The following AHI1 variants were observed in gnomAD, a reference collection of about 807,000 sequenced individuals.
AHI1 encodes Abelson helper integration site 1.
In AHI1, 123 loss-of-function variants were observed where a neutral mutation model predicts 149.3. That is an observed-to-expected ratio of 0.82 (90% CI 0.71 to 0.96). The LOEUF (loss-of-function observed/expected upper bound fraction) is 0.96. Among genes scored for constraint, AHI1 ranks in the 40% least tolerant of loss-of-function variants. AHI1 has a pLI of 0.00. For missense variants in AHI1, 1,439 were observed against 1,422.7 expected (o/e 1.01, Z -0.18); for synonymous variants, 475 against 459.8 (o/e 1.03, Z -0.42).
At chr6:135,462,462 T>G (rs907586059) in intron 8 of AHI1, among the ~76,000 whole-genome samples, 4 of 151,094 alleles carry the variant, frequency 2.6e-5, no homozygotes, top group African/African-American at 9.9e-5. Flanking sequence ...AAATGTTTAT[T>G]GGCTGCTGAC....
intron 24 of AHI1, among the ~76,000 whole-genome samples, chr6:135,357,611 C>T (rs750256957): frequency 1.3e-5 from 2 of 152,192 alleles, no homozygotes; most frequent in Non-Finnish European, 2.9e-5. Context: ...TCTATATCAT[C>T]TTATGAGTCT....
chr6:135,437,986 C>G (rs775311143), intron 15 of AHI1, among the ~76,000 whole-genome samples: 4 of 151,962 alleles, frequency 2.6e-5, no homozygotes, highest in Non-Finnish European at 5.9e-5. Context: ...CTGTGATATA[C>G]TGAGCACCAC....
At chr6:135,391,428 G>A (rs1433479338) in intron 23 of AHI1, among the ~76,000 whole-genome samples, 1 of 152,094 alleles carries the variant, frequency 6.6e-6, no homozygotes, top group Non-Finnish European at 1.5e-5. Flanking sequence ...ATCCCTACGT[G>A]TGCCGTTCAC....
intron 24 of AHI1, among the ~76,000 whole-genome samples, chr6:135,356,288 C>CT (rs969404405): frequency 9.2e-5 from 14 of 152,058 alleles, no homozygotes; most frequent in African/African-American, 2.9e-4. Context: ...TTTTAGACTC[C>CT]TTTTTTTCCT....
intron 6 of AHI1, among the ~76,000 whole-genome samples, 156 bp from the exon 7 acceptor site, chr6:135,466,529 ACT>A (rs1790799938): frequency 6.6e-6 from 1 of 152,164 alleles, no homozygotes. Flanking sequence ...GCATATGAGT[ACT>A]CTCATAATTT....
intron 23 of AHI1, among the ~76,000 whole-genome samples, chr6:135,386,702 C>T (rs1777645164): frequency 6.6e-6 from 1 of 152,080 alleles, no homozygotes; most frequent in African/African-American, 2.4e-5. Context: ...GTGGTCTCAG[C>T]TCACTGCAAC....
At chr6:135,312,475 C>T (rs1313135862) in intron 26 of AHI1, among the ~76,000 whole-genome samples, 2 of 152,122 alleles carry the variant, frequency 1.3e-5, no homozygotes, top group Non-Finnish European at 2.9e-5. Context: ...GATCTCACCA[C>T]TGTACTTCAG....
At chr6:135,378,557 TTTA>T (rs1430481694) in intron 23 of AHI1, among the ~76,000 whole-genome samples, 2 of 152,206 alleles carry the variant, frequency 1.3e-5, no homozygotes, top group East Asian at 3.8e-4. Flanking sequence ...CTGCCACATA[TTTA>T]TTACACTGGC....
intron 27 of AHI1, among the ~76,000 whole-genome samples, chr6:135,293,208 T>G (rs1782579588): frequency 6.6e-6 from 1 of 151,554 alleles, no homozygotes; most frequent in Non-Finnish European, 1.5e-5. Flanking sequence ...TGACAAAAAC[T>G]CTTAGGAAAG....
intron 21 of AHI1, among the ~76,000 whole-genome samples, chr6:135,408,258 G>A (rs1056867443): frequency 1.3e-5 from 2 of 152,084 alleles, no homozygotes; most frequent in African/African-American, 2.4e-5. Context: ...TATGCCTGTA[G>A]ATGAAGTTAC....
At chr6:135,321,953 C>G (rs779463112) in intron 25 of AHI1, among the ~76,000 whole-genome samples, 1 of 152,182 alleles carries the variant, frequency 6.6e-6, no homozygotes, top group Non-Finnish European at 1.5e-5. Flanking sequence ...AGGTGCCCAC[C>G]ACCACGCCTG....
chr6:135,421,097 C>T (rs1182101705), intron 20 of AHI1, among the ~76,000 whole-genome samples: 2 of 152,086 alleles, frequency 1.3e-5, no homozygotes, highest in Admixed American at 6.6e-5. Context: ...AGTCAGAACA[C>T]TGAAAACATT....
chr6:135,472,968 C>G (rs1173965313), intron 5 of AHI1, among the ~76,000 whole-genome samples: 2 of 152,116 alleles, frequency 1.3e-5, no homozygotes, highest in Non-Finnish European at 2.9e-5. Flanking sequence ...GCAATGCTTT[C>G]AATTTTCACA....
At chr6:135,320,611 T>C (rs1393792447) in intron 25 of AHI1, among the ~76,000 whole-genome samples, 1 of 152,226 alleles carries the variant, frequency 6.6e-6, no homozygotes, top group Non-Finnish European at 1.5e-5. Context: ...TTTAATTCAC[T>C]GTAGCTCAAA....
At chr6:135,388,747 C>T (rs1330306218) in intron 23 of AHI1, among the ~76,000 whole-genome samples, 1 of 152,210 alleles carries the variant, frequency 6.6e-6, no homozygotes, top group African/African-American at 2.4e-5. Flanking sequence ...TGCAGTGGCT[C>T]ATGCCTGTAA....
At chr6:135,414,455 T>G (rs1379815252) in intron 20 of AHI1, among the ~76,000 whole-genome samples, 5 of 152,178 alleles carry the variant, frequency 3.3e-5, no homozygotes, top group Admixed American at 3.3e-4. Context: ...TTCATCAAAA[T>G]CTCAAACTTC....
At chr6:135,363,035 TTTTA>T (rs1794158108) in intron 23 of AHI1, among the ~76,000 whole-genome samples, 2 of 149,762 alleles carry the variant, frequency 1.3e-5, no homozygotes, top group Admixed American at 6.6e-5. Context: ...TTAAATTTTA[TTTTA>T]TTTTATTATT....
intron 15 of AHI1, among the ~76,000 whole-genome samples, chr6:135,436,089 T>C (rs1785358740): frequency 6.6e-6 from 1 of 152,042 alleles, no homozygotes; most frequent in Non-Finnish European, 1.5e-5. Flanking sequence ...GGAAGTCAAA[T>C]TCATAAAAAA....
Position 135,431,290 on chromosome 6 carries a change from C to T in AHI1, c.2291G>A (p.Cys764Tyr), listed in dbSNP as rs1355452076. 26 of 1,605,666 alleles carry T rather than the reference C, an allele frequency of 1.6e-5. No homozygotes were observed. Among genetic ancestry groups the T allele is most frequent in the Non-Finnish European group, 2.2e-5 (26 of 1,174,602 alleles). Residue 764 changes from cysteine (C) to tyrosine (Y), a missense_variant, in exon 17 of 29, where the codon TGT becomes TAT. By Grantham distance (194) the Cys-to-Tyr change is radical. Transcript: ENST00000265602. ...ATTCCAAACAACAATCACCCCTGTA[C>T]AATCTCCTGAATACATATGATGACC... ...TEGHHMYSGD[C>Y]TGVIVVWNTY...
Sources: allele counts gnomAD v4.1 joint callset (sites outside exome capture counted in the v4.1 genomes callset), GRCh38; gene constraint gnomAD v4.1.1; transcripts MANE v1.5; gene names NCBI Gene and HGNC (gene_info 2026-07-23, HGNC 2026-07-21).